TAS2R1: variants seen among roughly 807,000 people sequenced by gnomAD.
TAS2R1 encodes taste 2 receptor member 1, also known as taste receptor type 2 member 1.
For synonymous variants in TAS2R1, 141 were observed against 134.2 expected, an observed-to-expected ratio of 1.05 and a Z score of -0.35; for missense variants, 370 against 353.4, an observed-to-expected ratio of 1.05 and a Z score of -0.38.
the TAS2R1 span, among the ~76,000 whole-genome samples, chr5:9,816,164 C>A: frequency 6.6e-6 from 1 of 152,124 alleles, no homozygotes; most frequent in East Asian, 1.9e-4. Flanking sequence ...ATTTTATGAT[C>A]CACAGTTTAT....
the TAS2R1 span, among the ~76,000 whole-genome samples, chr5:9,845,308 A>G: frequency 6.6e-6 from 1 of 152,186 alleles, no homozygotes; most frequent in Non-Finnish European, 1.5e-5. Flanking sequence ...TTATTGGTAT[A>G]TTTGCCTGAC....
chr5:9,715,110 A>G (rs1157610961), upstream of TAS2R1, among the ~76,000 whole-genome samples: 1 of 152,212 alleles, frequency 6.6e-6, no homozygotes, highest in Non-Finnish European at 1.5e-5. Context: ...CAAGAGGGAG[A>G]GATTGGCACC....
At chr5:9,855,933 A>G in the TAS2R1 span, among the ~76,000 whole-genome samples, 1 of 151,752 alleles carries the variant, frequency 6.6e-6, no homozygotes, top group Non-Finnish European at 1.5e-5. Flanking sequence ...TATCAAGGGC[A>G]AATTTTCCTT....
chr5:9,698,221 G>A (rs1741399776), intron 1 of TAS2R1, among the ~76,000 whole-genome samples: 1 of 152,106 alleles, frequency 6.6e-6, no homozygotes, highest in Non-Finnish European at 1.5e-5. Context: ...TTTCCTCAGT[G>A]AATATGTAGT....
At chr5:9,637,081 G>C (rs1003346391) in intron 2 of TAS2R1, among the ~76,000 whole-genome samples, 4 of 151,960 alleles carry the variant, frequency 2.6e-5, no homozygotes, top group African/African-American at 9.7e-5. Flanking sequence ...TTTGTTTCAG[G>C]ATTTAGAACT....
chr5:9,891,420 T>A, the TAS2R1 span, among the ~76,000 whole-genome samples: 1 of 152,242 alleles, frequency 6.6e-6, no homozygotes. Flanking sequence ...AAATACTTTT[T>A]AAATTTAATT....
the TAS2R1 span, among the ~76,000 whole-genome samples, chr5:9,763,211 A>AAT: frequency 6.6e-6 from 1 of 152,214 alleles, no homozygotes; most frequent in Non-Finnish European, 1.5e-5. Flanking sequence ...AGCTGTTAGA[A>AAT]ATATTATGTA....
In TAS2R1 at chr5:9,629,794, G is replaced by A. The variant is rs370954622; in HGVS notation, c.239C>T (p.Ala80Val). ...TATAAATAAGAGAATTGCACAATTC[G>A]CAGAACACATGATGAATTCTATGAA... ...IFFIEFIMCS[A>V]NCAILLFINE... Residue 80 changes from alanine (A) to valine (V), a missense_variant, in exon 1 of 1, where the codon GCG becomes GTG. Ala to Val is a moderately conservative substitution (Grantham distance 64, BLOSUM62 0). Coordinates refer to ENST00000382492, the MANE Select transcript of TAS2R1 (RefSeq NM_019599.3). The A allele has an allele frequency of 8.1e-5, 131 of 1,613,688 alleles. No individual in the cohort carries two copies. Among genetic ancestry groups the A allele is most frequent in the Admixed American group, 1.0e-4 (6 of 59,950 alleles).
the TAS2R1 span, among the ~76,000 whole-genome samples, chr5:9,894,476 G>A: frequency 6.6e-6 from 1 of 152,102 alleles, no homozygotes. Flanking sequence ...ACACACAGAG[G>A]AAATACCGTG....
chr5:9,671,086 C>T (rs1190370723), intron 1 of TAS2R1, among the ~76,000 whole-genome samples: 1 of 152,160 alleles, frequency 6.6e-6, no homozygotes, highest in South Asian at 2.1e-4. Context: ...TGATAAAATT[C>T]AGCATCACTT....
rs150038006 is a variant in TAS2R1, at chr5:9,678,081, T to C, written c.-241-18500A>G. On this transcript the variant is annotated intron_variant, in intron 1 of 2. Transcript: ENST00000506620. ...GAATTTACAAGGAACTTAAACATAT[T>C]TACAAAAAGACAAACAACCCCATTA... Among the ~76,000 whole-genome samples the C allele has an allele frequency of 1.2e-3, 182 of 151,710 alleles. 2 individuals are homozygous for C. The highest frequency in any genetic ancestry group is 4.1e-3 in the African/African-American group (169 of 41,354).
chr5:9,895,243 G>T, the TAS2R1 span, among the ~76,000 whole-genome samples: 1 of 152,220 alleles, frequency 6.6e-6, no homozygotes, highest in Non-Finnish European at 1.5e-5. Context: ...CCTTCTGATG[G>T]AAAGCCAACA....
At chr5:9,784,408 T>C in the TAS2R1 span, among the ~76,000 whole-genome samples, 2 of 152,312 alleles carry the variant, frequency 1.3e-5, no homozygotes, top group South Asian at 4.1e-4. Flanking sequence ...TGCTCATGTG[T>C]GCTATCCCCA....
At chr5:9,766,180 T>A in the TAS2R1 span, among the ~76,000 whole-genome samples, 1,495 of 152,342 alleles carry the variant, frequency 9.8e-3, 26 homozygotes, top group African/African-American at 0.034. Context: ...AATGGAATAT[T>A]TAAATTTTGC....
At chr5:9,705,825 G>C (rs768819140) in intron 1 of TAS2R1, among the ~76,000 whole-genome samples, 1 of 152,074 alleles carries the variant, frequency 6.6e-6, no homozygotes, top group Non-Finnish European at 1.5e-5. Context: ...TCATGCCATT[G>C]CACTCCAGCC....
chr5:9,797,240 G>T, the TAS2R1 span, among the ~76,000 whole-genome samples: 4 of 152,182 alleles, frequency 2.6e-5, no homozygotes, highest in Non-Finnish European at 2.9e-5. Flanking sequence ...TGACTGGAAG[G>T]TTTGCTACTG....
chr5:9,805,745 C>A, the TAS2R1 span, among the ~76,000 whole-genome samples: 1 of 151,852 alleles, frequency 6.6e-6, no homozygotes, highest in Non-Finnish European at 1.5e-5. Context: ...AGGGACATAC[C>A]TTAAGGTAAT....
At chr5:9,646,724 G>T (rs573215289) in intron 2 of TAS2R1, among the ~76,000 whole-genome samples, 1 of 152,196 alleles carries the variant, frequency 6.6e-6, no homozygotes, top group East Asian at 1.9e-4. Flanking sequence ...GCTTCCAGAA[G>T]ACCAAAATTG....
the TAS2R1 span, among the ~76,000 whole-genome samples, chr5:9,734,785 C>G: frequency 6.7e-6 from 1 of 148,884 alleles, no homozygotes; most frequent in Non-Finnish European, 1.5e-5. Context: ...CCCCCCACCA[C>G]GGTGAACACT....
Sources: gnomAD v4.1 joint callset for allele counts (sites outside exome capture counted in the v4.1 genomes callset) on GRCh38, gnomAD v4.1.1 for gene constraint, MANE v1.5 for transcripts, NCBI Gene and HGNC (gene_info 2026-07-23, HGNC 2026-07-21) for gene names.